Variants in SAMMSON observed in about 807,000 individuals in gnomAD.
SAMMSON encodes the protein long intergenic non-protein coding RNA 1212.
chr3:70,075,758 A>G (rs548236546), intron 4 of SAMMSON, among the ~76,000 whole-genome samples: 1 of 152,266 alleles, frequency 6.6e-6, no homozygotes, highest in East Asian at 1.9e-4. Context: ...ACAAACTCAT[A>G]GCGCAGTATA....
chr3:70,007,253 C>T (rs2066931421), intron 1 of SAMMSON, among the ~76,000 whole-genome samples: 1 of 152,176 alleles, frequency 6.6e-6, no homozygotes, highest in Admixed American at 6.5e-5. Flanking sequence ...AACTAGTTTA[C>T]AGTCCCAACA....
rs1224200424 is a variant in SAMMSON, at chr3:70,155,255, G to A, written n.507+83690G>A. Among the ~76,000 whole-genome samples, 3 of 151,836 alleles carry A rather than the reference G, an allele frequency of 2.0e-5. No individual in the cohort carries two copies. In the East Asian group the frequency reaches 5.8e-4, roughly 29 times the overall value. On this transcript the variant is annotated intron_variant and non_coding_transcript_variant, in intron 4 of 9. Coordinates refer to ENST00000642114, the Ensembl canonical transcript of SAMMSON. ...TTGACATCACGACTCTGGGGGTTGG[G>A]GTTTATTTCTCTGGATTATGAAATC... is the stretch of plus-strand genomic sequence containing the variant.
chr3:70,181,360 C>T (rs1576146046), intron 4 of SAMMSON, among the ~76,000 whole-genome samples: 1 of 152,228 alleles, frequency 6.6e-6, no homozygotes, highest in East Asian at 1.9e-4. Context: ...TAAAGGAATG[C>T]AAGTGTGGTT....
At chr3:70,060,933 T>A (rs575048634) in intron 3 of SAMMSON, among the ~76,000 whole-genome samples, 9 of 152,128 alleles carry the variant, frequency 5.9e-5, no homozygotes, top group African/African-American at 1.2e-4. Flanking sequence ...GGAGAAAAGA[T>A]GAGAGGAAGA....
chr3:70,277,809 T>C (rs147431084), intron 6 of SAMMSON, among the ~76,000 whole-genome samples: 8 of 152,140 alleles, frequency 5.3e-5, no homozygotes, highest in African/African-American at 1.9e-4. Flanking sequence ...TTTATACAAA[T>C]GGTTGTTGAG....
chr3:70,226,566 T>G (rs1245341687), intron 4 of SAMMSON, among the ~76,000 whole-genome samples: 2 of 151,834 alleles, frequency 1.3e-5, no homozygotes, highest in Admixed American at 1.3e-4. Context: ...GGTGAAATCC[T>G]GTCTCTATTA....
In SAMMSON at chr3:70,180,479, C is replaced by T. The variant is rs558004075; in HGVS notation, n.508-68628C>T. ...GTATATATTTATATGGGTACAAACACACATATGTATGTATGCTTAATACTG... is the reference window on the plus strand; with the variant it reads ...GTATATATTTATATGGGTACAAACATACATATGTATGTATGCTTAATACTG... On this transcript the variant is annotated intron_variant and non_coding_transcript_variant, in intron 4 of 9. Transcript: ENST00000642114. 9.9e-5 allele frequency among the ~76,000 whole-genome samples: 15 copies of T among 152,076 alleles called. 1 individual carries two copies. The South Asian group carries it at 3.1e-3, about 32-fold the overall frequency.
At chr3:70,141,694 C>G (rs1213775044) in intron 4 of SAMMSON, among the ~76,000 whole-genome samples, 2 of 152,160 alleles carry the variant, frequency 1.3e-5, no homozygotes, top group Non-Finnish European at 2.9e-5. Flanking sequence ...CATATTATTT[C>G]CCATGATCCT....
chr3:70,170,708 G>A (rs979240826), intron 4 of SAMMSON, among the ~76,000 whole-genome samples: 1 of 150,290 alleles, frequency 6.7e-6, no homozygotes, highest in Non-Finnish European at 1.5e-5. Flanking sequence ...TTTTTTAAGA[G>A]CTAGATATGA....
intron 4 of SAMMSON, chr3:70,125,036 C>A (rs2067450753): frequency 1.4e-6 from 1 of 739,824 alleles, no homozygotes; most frequent in Non-Finnish European, 2.4e-6. Context: ...TTGAAAGATA[C>A]AGGATTCAAA....
chr3:70,344,436 C>T (rs1279199341), intron 7 of SAMMSON, among the ~76,000 whole-genome samples: 2 of 152,124 alleles, frequency 1.3e-5, no homozygotes, highest in Admixed American at 6.6e-5. Context: ...TTCCAGTTCC[C>T]CATCCATCCC....
exon 3 of SAMMSON, chr3:70,013,571 A>G (rs1424025649): frequency 6.6e-6 from 1 of 152,132 alleles, no homozygotes; most frequent in East Asian, 1.9e-4. Context: ...TTATTCCTCA[A>G]CTATGCAACT....
intron 6 of SAMMSON, among the ~76,000 whole-genome samples, chr3:70,250,434 C>G (rs1041955144): frequency 6.7e-6 from 1 of 150,296 alleles, no homozygotes; most frequent in Non-Finnish European, 1.5e-5. Flanking sequence ...CACACACACA[C>G]ACACACACAC....
intron 6 of SAMMSON, among the ~76,000 whole-genome samples, chr3:70,253,803 T>C (rs1485849591): frequency 2.6e-5 from 4 of 152,156 alleles, no homozygotes; most frequent in Non-Finnish European, 4.4e-5. Context: ...TCAATAAGAC[T>C]ATACCATAAC....
chr3:70,168,565 A>G (rs528610520), intron 4 of SAMMSON, among the ~76,000 whole-genome samples: 51 of 152,130 alleles, frequency 3.4e-4, no homozygotes, highest in Non-Finnish European at 6.6e-4. Flanking sequence ...GACTATCAGA[A>G]AAGCCTAAAA....
chr3:70,234,170 T>TTAG (rs1389820147), intron 4 of SAMMSON, among the ~76,000 whole-genome samples: 1 of 152,210 alleles, frequency 6.6e-6, no homozygotes, highest in Non-Finnish European at 1.5e-5. Flanking sequence ...AATGAATGAC[T>TTAG]TAGGATTGGG....
chr3:70,282,757 C>T (rs1261245714), intron 6 of SAMMSON, among the ~76,000 whole-genome samples: 1 of 152,152 alleles, frequency 6.6e-6, no homozygotes, highest in Non-Finnish European at 1.5e-5. Context: ...AGACTTGTTA[C>T]TTTACTTATT....
chr3:70,120,052 G>A (rs954387857), intron 4 of SAMMSON: 1 of 152,144 alleles, frequency 6.6e-6, no homozygotes, highest in African/African-American at 2.4e-5. Flanking sequence ...CTTCAATAAA[G>A]GGCTGTGTGG....
At chr3:70,311,743 GA>G (rs200014435) in intron 7 of SAMMSON, 12,802 of 369,126 alleles carry the variant, frequency 0.035, 341 homozygotes, top group South Asian at 0.082. Flanking sequence ...ATAAGAATTT[GA>G]AAAAAAAAGA....
Sources: allele counts gnomAD v4.1 joint callset (sites outside exome capture counted in the v4.1 genomes callset), GRCh38; gene constraint gnomAD v4.1.1; transcripts MANE v1.5; gene names NCBI Gene and HGNC (gene_info 2026-07-23, HGNC 2026-07-21).